LAMTOR5: variants seen among roughly 807,000 people sequenced by gnomAD.
LAMTOR5 encodes the protein ragulator complex protein LAMTOR5.
LAMTOR5 carries 8 observed loss-of-function variants against 12.1 expected under a neutral mutation model. The observed-to-expected ratio is 0.66, with a 90% confidence interval of 0.39 to 1.19. The LOEUF (loss-of-function observed/expected upper bound fraction) is 1.19. Among genes scored for constraint, LAMTOR5 ranks in the 50% most tolerant of loss-of-function variants. LAMTOR5 has a pLI of 0.01. For synonymous variants in LAMTOR5, 37 were observed against 41.9 expected (o/e 0.88, Z 0.45); for missense variants, 110 against 112.8 (o/e 0.97, Z 0.11).
intron 3 of LAMTOR5, among the ~76,000 whole-genome samples, chr1:110,403,445 CA>C (rs1226734242): frequency 6.6e-6 from 1 of 151,560 alleles, no homozygotes; most frequent in African/African-American, 2.4e-5. Context: ...CTCATCTCTA[CA>C]AAAAAATACA....
intron 3 of LAMTOR5, among the ~76,000 whole-genome samples, chr1:110,402,880 A>G (rs558406579): frequency 1.3e-5 from 2 of 152,368 alleles, no homozygotes; most frequent in Non-Finnish European, 2.9e-5. Context: ...TATAAAGTCA[A>G]AAAGTTTTAT....
intron 2 of LAMTOR5, among the ~76,000 whole-genome samples, chr1:110,405,264 G>A (rs1663305411): frequency 6.6e-6 from 1 of 151,528 alleles, no homozygotes; most frequent in Admixed American, 6.6e-5. Flanking sequence ...AGGTTCAAGC[G>A]ATTCTCCTGC....
intron 1 of LAMTOR5, 153 bp downstream of exon 1, chr1:110,407,433 C>A (rs1663356448): frequency 1.0e-6 from 1 of 976,292 alleles, no homozygotes; most frequent in Admixed American, 2.9e-5. Flanking sequence ...GCCCTGCGGC[C>A]TTGGGTAGAG....
chr1:110,401,615 C>T (rs773697619), intron 3 of LAMTOR5, 32 bp from the exon 4 acceptor site: 10 of 1,585,558 alleles, frequency 6.3e-6, no homozygotes, highest in South Asian at 1.1e-5. Flanking sequence ...TTCAGTAAAA[C>T]GTAATCAGTG....
chr1:110,407,236 C>G (rs1013459576), intron 1 of LAMTOR5: 6 of 580,110 alleles, frequency 1.0e-5, no homozygotes, highest in Non-Finnish European at 1.8e-5. Flanking sequence ...GGGCTCGACA[C>G]TGCACAACTG....
intron 1 of LAMTOR5, chr1:110,407,125 G>T: frequency 1.6e-6 from 1 of 639,812 alleles, no homozygotes; most frequent in Non-Finnish European, 2.8e-6. Context: ...ATTTTACATA[G>T]ATACTGCTTG....
chr1:110,405,475 A>G (rs1024996273), intron 2 of LAMTOR5, among the ~76,000 whole-genome samples: 4 of 151,788 alleles, frequency 2.6e-5, no homozygotes, highest in African/African-American at 9.7e-5. Context: ...TCTTTTTTTA[A>G]ATTTTAAAAA....
chr1:110,401,729 A>G (rs1663234559), intron 3 of LAMTOR5, 146 bp from the exon 4 acceptor site: 2 of 834,676 alleles, frequency 2.4e-6, no homozygotes, highest in Non-Finnish European at 3.7e-6. Flanking sequence ...ATAACAAAAC[A>G]TTTGGGAAAT....
At chr1:110,407,264 G>A (rs1428312534) in intron 1 of LAMTOR5, 6 of 579,340 alleles carry the variant, frequency 1.0e-5, no homozygotes, top group South Asian at 2.3e-5. Flanking sequence ...CTTCCCAAAA[G>A]TCAACCCGTT....
chr1:110,403,666 C>G (rs958729662), intron 3 of LAMTOR5: 11 of 367,928 alleles, frequency 3.0e-5, no homozygotes, highest in African/African-American at 1.9e-4. Flanking sequence ...TTCCTTTGTG[C>G]TATTTGTTAC....
intron 1 of LAMTOR5, chr1:110,407,385 G>A: frequency 3.0e-6 from 2 of 672,696 alleles, no homozygotes; most frequent in South Asian, 3.9e-5. Context: ...GGGAATGTGC[G>A]GTGCCCGGCA....
In LAMTOR5 at chr1:110,407,613, G is replaced by C. The variant is rs755502064; in HGVS notation, c.8C>G (p.Ala3Gly). The C allele has an allele frequency of 1.2e-6, 2 of 1,614,110 alleles. No homozygotes were observed. The highest frequency in any genetic ancestry group is 2.2e-5 in the South Asian group (2 of 91,070). ...GTCTTCCAAGTGCTGCTCCAAGGTC[G>C]CCTCCATCCCACCCACCGACCACTC... MEATLEQHLEDTM... is the reference protein window; with the variant it reads MEGTLEQHLEDTM... The change falls in exon 1 of 4, where the codon GCG becomes GGG. Residue 3 changes from alanine (A) to glycine (G), a missense_variant. Physicochemically the swap from Ala to Gly is moderately conservative, Grantham distance 60. Coordinates refer to ENST00000602318, the MANE Select transcript of LAMTOR5 (RefSeq NM_001382293.1).
At position 110,402,343 on chromosome 1, in the gene LAMTOR5, C is replaced by T. The variant is rs550968166; in HGVS notation, c.216-760G>A. ...TCAGCTCACTGCAACCTCTGCCTCC[C>T]GGGTTCAAGCAATTCTCCTGCCTCA... is the stretch of plus-strand genomic sequence containing the variant. On this transcript the variant is annotated intron_variant, in intron 3 of 3. Coordinates refer to ENST00000602318, the MANE Select transcript of LAMTOR5 (RefSeq NM_001382293.1). Among the ~76,000 whole-genome samples, 31 of 152,206 alleles carry T rather than the reference C, an allele frequency of 2.0e-4. 1 individual carries two copies. The highest frequency in any genetic ancestry group is 7.0e-4 in the African/African-American group (29 of 41,526).
At chr1:110,402,718 T>A (rs998078517) in intron 3 of LAMTOR5, among the ~76,000 whole-genome samples, 1 of 152,134 alleles carries the variant, frequency 6.6e-6, no homozygotes, top group Non-Finnish European at 1.5e-5. Context: ...GGAGAAGATG[T>A]GGAGATAGAA....
At chr1:110,407,815 G>C, upstream of LAMTOR5, 1 of 1,614,090 alleles carries the variant, frequency 6.2e-7, no homozygotes, top group Non-Finnish European at 8.5e-7. Flanking sequence ...GCCTGACGAA[G>C]GCTTGGGCTC....
chr1:110,403,454 AC>A (rs911210198), intron 3 of LAMTOR5, among the ~76,000 whole-genome samples: 8 of 151,996 alleles, frequency 5.3e-5, no homozygotes, highest in African/African-American at 1.9e-4. Context: ...ACAAAAAAAT[AC>A]AAAAATTAGC....
upstream of LAMTOR5, chr1:110,407,839 C>T (rs1663372609): frequency 6.2e-7 from 1 of 1,613,834 alleles, no homozygotes; most frequent in African/African-American, 1.3e-5. Context: ...GCGCGGTGAC[C>T]GTCGAGGTGA....
intron 1 of LAMTOR5, 24 bp downstream of exon 1, chr1:110,407,562 G>A (rs777596807): frequency 1.2e-6 from 2 of 1,609,280 alleles, no homozygotes; most frequent in African/African-American, 1.3e-5. Flanking sequence ...CTCAGGACAG[G>A]CCGAAGAGGC....
chr1:110,404,327 T>C (rs1663286950), intron 2 of LAMTOR5, among the ~76,000 whole-genome samples: 1 of 152,228 alleles, frequency 6.6e-6, no homozygotes, highest in Non-Finnish European at 1.5e-5. Flanking sequence ...GGCAGAGCAT[T>C]TGGATGTACT....
Sources: gnomAD v4.1 joint callset for allele counts (sites outside exome capture counted in the v4.1 genomes callset) on GRCh38, gnomAD v4.1.1 for gene constraint, MANE v1.5 for transcripts, NCBI Gene and HGNC (gene_info 2026-07-23, HGNC 2026-07-21) for gene names.